Variants in MTCL3 observed in about 807,000 individuals in gnomAD.
MTCL3 encodes microtubule cross-linking factor 3.
the MTCL3 span, among the ~76,000 whole-genome samples, chr6:127,488,823 C>T: frequency 6.6e-6 from 1 of 152,154 alleles, no homozygotes; most frequent in African/African-American, 2.4e-5. Flanking sequence ...TTCAACCAAC[C>T]ACAGATTGAA....
the MTCL3 span, among the ~76,000 whole-genome samples, chr6:127,502,830 G>T: frequency 2.6e-5 from 4 of 152,104 alleles, no homozygotes; most frequent in African/African-American, 9.7e-5. Flanking sequence ...CCTTTAAAAG[G>T]TGATTAAATT....
chr6:127,497,803 AAAG>A, the MTCL3 span, among the ~76,000 whole-genome samples: 3 of 152,236 alleles, frequency 2.0e-5, no homozygotes, highest in Non-Finnish European at 4.4e-5. Flanking sequence ...AAAAAGGAAA[AAAG>A]AAGATAAAAT....
the MTCL3 span, chr6:127,516,357 C>G: frequency 6.3e-6 from 10 of 1,598,830 alleles, no homozygotes; most frequent in Non-Finnish European, 7.6e-6. Flanking sequence ...CCGTGCGGCT[C>G]CCGGTCTTGT....
chr6:127,483,010 G>A, the MTCL3 span: 2 of 1,537,526 alleles, frequency 1.3e-6, no homozygotes, highest in Non-Finnish European at 1.8e-6. Context: ...AATATATTTA[G>A]TTGGATAAAC....
the MTCL3 span, chr6:127,514,811 C>G: frequency 3.0e-5 from 48 of 1,604,552 alleles, no homozygotes; most frequent in Middle Eastern, 3.8e-4. Context: ...ATTGAGCCCC[C>G]GCGCCGCAGA....
At chr6:127,513,979 C>T in the MTCL3 span, among the ~76,000 whole-genome samples, 1 of 152,164 alleles carries the variant, frequency 6.6e-6, no homozygotes, top group African/African-American at 2.4e-5. Context: ...AATGTTTACA[C>T]ATAGCTTTCT....
chr6:127,516,298 G>A, the MTCL3 span: 6 of 1,562,528 alleles, frequency 3.8e-6, no homozygotes, highest in African/African-American at 1.4e-5. Context: ...CGCCAGGGGC[G>A]TCGCCTTCTC....
At chr6:127,517,114 A>G in the MTCL3 span, among the ~76,000 whole-genome samples, 1 of 152,258 alleles carries the variant, frequency 6.6e-6, no homozygotes, top group Non-Finnish European at 1.5e-5. Flanking sequence ...CCTTACCATC[A>G]AATCCATATG....
the MTCL3 span, chr6:127,476,134 G>T: frequency 6.2e-7 from 1 of 1,614,150 alleles, no homozygotes; most frequent in South Asian, 1.1e-5. The surrounding 1 kb of genome is among the most constrained non-coding windows in gnomAD (Gnocchi z 4.4). Context: ...GAGCGGGTTG[G>T]CCGAGCCGTT....
At chr6:127,481,046 C>T in the MTCL3 span, among the ~76,000 whole-genome samples, 99 of 152,158 alleles carry the variant, frequency 6.5e-4, 2 homozygotes, top group African/African-American at 2.3e-3. Context: ...GGTCCCTGAC[C>T]TCACTGAGAA....
the MTCL3 span, among the ~76,000 whole-genome samples, chr6:127,493,283 C>T: frequency 6.6e-6 from 1 of 151,930 alleles, no homozygotes; most frequent in Non-Finnish European, 1.5e-5. Context: ...TTTAAGGATT[C>T]GATTTTCCAA....
the MTCL3 span, among the ~76,000 whole-genome samples, chr6:127,503,777 TG>T: frequency 6.6e-6 from 1 of 152,138 alleles, no homozygotes; most frequent in Non-Finnish European, 1.5e-5. Context: ...TTTCTGGAAG[TG>T]GGGTGAGGCT....
At chr6:127,473,756 T>C in the MTCL3 span, among the ~76,000 whole-genome samples, 1 of 152,228 alleles carries the variant, frequency 6.6e-6, no homozygotes, top group African/African-American at 2.4e-5. Context: ...TAAACTGGCT[T>C]TTAAATGTCT....
chr6:127,494,282 T>C, the MTCL3 span, among the ~76,000 whole-genome samples: 17,649 of 152,158 alleles, frequency 0.12, 1,408 homozygotes, highest in Admixed American at 0.19. Flanking sequence ...TACAGTGAAA[T>C]TTAGGTACAT....
At chr6:127,519,184 G>A in the MTCL3 span, 1 of 152,210 alleles carries the variant, frequency 6.6e-6, no homozygotes. Context: ...AAAACCGCTC[G>A]AACACGGATG....
the MTCL3 span, among the ~76,000 whole-genome samples, chr6:127,515,206 G>A: frequency 6.6e-6 from 1 of 152,040 alleles, no homozygotes; most frequent in African/African-American, 2.4e-5. The surrounding 1 kb of genome is among the most constrained non-coding windows in gnomAD (Gnocchi z 4.3). Flanking sequence ...AGAGGAAACT[G>A]GGGGAAAAAG....
chr6:127,515,774 T>G, the MTCL3 span: 4 of 1,605,596 alleles, frequency 2.5e-6, no homozygotes, highest in Non-Finnish European at 3.4e-6. The surrounding 1 kb of genome is among the most constrained non-coding windows in gnomAD (Gnocchi z 4.3). Context: ...CCGCCGTTCT[T>G]AGCGTGCATC....
chr6:127,513,108 A>G, the MTCL3 span: 2 of 1,440,616 alleles, frequency 1.4e-6, no homozygotes, highest in Non-Finnish European at 1.9e-6. Flanking sequence ...TAAGGGCTAA[A>G]ATTGTATTCC....
chr6:127,515,068 G>A, the MTCL3 span: 6 of 1,607,116 alleles, frequency 3.7e-6, no homozygotes, highest in East Asian at 1.3e-4. This position sits in a 1 kb window ranked among gnomAD's most constrained non-coding sequence, Gnocchi z 4.3. Flanking sequence ...GACAGGCCGC[G>A]TGTCAAAATC....
Sources: gnomAD v4.1 joint callset for allele counts (sites outside exome capture counted in the v4.1 genomes callset) on GRCh38, gnomAD v4.1.1 for gene constraint, Gnocchi (gnomAD v3.1) non-coding constraint, MANE v1.5 for transcripts, NCBI Gene and HGNC (gene_info 2026-07-23, HGNC 2026-07-21) for gene names.